The following ERMP1 variants were observed in gnomAD, a reference collection of about 807,000 sequenced individuals.
The protein encoded by ERMP1 is Felix-ina.
Under a neutral mutation model 92.0 loss-of-function variants are expected in ERMP1, and 86 were observed. The ratio of observed to expected loss-of-function variants is 0.93; its 90% CI spans 0.79 to 1.12. The LOEUF is 1.12. Among genes scored for constraint, ERMP1 ranks in the 50% most tolerant of loss-of-function variants. ERMP1 has a pLI of 0.00. For synonymous variants in ERMP1, 530 were observed against 412.8 expected, an observed-to-expected ratio of 1.28 and a Z score of -3.44; for missense variants, 1,342 against 1,116.3, an observed-to-expected ratio of 1.20 and a Z score of -2.88.
chr9:5,802,405 G>C (rs1487072945), intron 10 of ERMP1, among the ~76,000 whole-genome samples: 1 of 152,076 alleles, frequency 6.6e-6, no homozygotes, highest in Non-Finnish European at 1.5e-5. Context: ...TTTTTCTGGA[G>C]ACAGAGTCTC....
At chr9:5,864,607 G>A (rs753592917) in intron 5 of ERMP1, among the ~76,000 whole-genome samples, 2 of 152,192 alleles carry the variant, frequency 1.3e-5, no homozygotes, top group Non-Finnish European at 2.9e-5. Context: ...TTCCTCAGGG[G>A]GTGGTAGAGA....
At chr9:5,853,810 A>G (rs1434383838) in intron 6 of ERMP1, among the ~76,000 whole-genome samples, 1 of 149,666 alleles carries the variant, frequency 6.7e-6, no homozygotes, top group Non-Finnish European at 1.5e-5. Context: ...AATGCCCAGT[A>G]ATTTGCAATT....
intron 10 of ERMP1, among the ~76,000 whole-genome samples, chr9:5,804,149 G>C (rs1374179383): frequency 6.6e-6 from 1 of 152,090 alleles, no homozygotes; most frequent in East Asian, 1.9e-4. Flanking sequence ...TAAAATCATA[G>C]CTCCTTTTCC....
In ERMP1 at chr9:5,833,061, C is replaced by A; in HGVS notation, c.-34G>T. The A allele has an allele frequency of 7.0e-7, 1 of 1,421,508 alleles. No homozygotes were observed. Among genetic ancestry groups the A allele is most frequent in the Non-Finnish European group, 9.1e-7 (1 of 1,097,310 alleles). The allele number at this position is 1,421,508 out of a possible 1,614,324, so 88.1% of individuals were successfully genotyped here. A position where few individuals can be genotyped will look rare whatever the true frequency, so the allele number is the denominator to read the frequency against. ...GCCTCAGCTGCCAGCCCAACCGCCCCAACCCGCGACAGCCCCGGCCGCCGC... is the reference window on the plus strand; with the variant it reads ...GCCTCAGCTGCCAGCCCAACCGCCCAAACCCGCGACAGCCCCGGCCGCCGC... On this transcript the variant is annotated 5_prime_UTR_variant, in exon 1 of 15. Transcript: ENST00000339450.
intron 13 of ERMP1, among the ~76,000 whole-genome samples, chr9:5,796,615 A>C (rs1324811806): frequency 6.6e-6 from 1 of 152,252 alleles, no homozygotes; most frequent in Non-Finnish European, 1.5e-5. Context: ...TAAGTGAAAG[A>C]AGTCAGTCGA....
At chr9:5,787,655 C>G in intron 13 of ERMP1, 62 bp from the exon 14 acceptor site, 1 of 1,502,254 alleles carries the variant, frequency 6.7e-7, no homozygotes, top group East Asian at 2.3e-5. Context: ...AAATAACCCA[C>G]AATCCAAACC....
At chr9:5,858,192 A>G (rs1830405089) in intron 6 of ERMP1, among the ~76,000 whole-genome samples, 1 of 152,218 alleles carries the variant, frequency 6.6e-6, no homozygotes, top group Non-Finnish European at 1.5e-5. Flanking sequence ...AAGAAAGAGT[A>G]TGGTTTGAAG....
chr9:5,795,283 A>G lies in ERMP1; in HGVS notation c.2386+2534T>C, dbSNP rs371169093. 1.7e-4 allele frequency among the ~76,000 whole-genome samples: 26 copies of G among 152,336 alleles called. No individual in the cohort carries two copies. The East Asian group carries it at 4.8e-3, about 28-fold the overall frequency. On this transcript the variant is annotated intron_variant, in intron 13 of 14. Transcript: ENST00000339450. ...AACATCTACCAAAAAACGTATAGCT[A>G]ACAACATACTCAGTGGTAAGAAACC...
chr9:5,788,741 T>C (rs1440807654), intron 13 of ERMP1, among the ~76,000 whole-genome samples: 1 of 152,126 alleles, frequency 6.6e-6, no homozygotes, highest in African/African-American at 2.4e-5. Flanking sequence ...GAAAATGTTA[T>C]AATCACACTC....
At chr9:5,867,002 T>C (rs1427034193) in intron 5 of ERMP1, among the ~76,000 whole-genome samples, 1 of 152,126 alleles carries the variant, frequency 6.6e-6, no homozygotes, top group African/African-American at 2.4e-5. Context: ...ACCCAGGAGT[T>C]TGAGCAACAT....
At chr9:5,837,729 C>T (rs58889474), upstream of ERMP1, among the ~76,000 whole-genome samples, 2,145 of 152,238 alleles carry the variant, frequency 0.014, 48 homozygotes, top group African/African-American at 0.047. Context: ...ATCAACGCCT[C>T]AATAGAAAAA....
chr9:5,829,050 C>T (rs1829835374), intron 2 of ERMP1, among the ~76,000 whole-genome samples: 1 of 151,864 alleles, frequency 6.6e-6, no homozygotes, highest in Admixed American at 6.6e-5. Context: ...TCAAGACCAG[C>T]CTGGCCAACA....
At chr9:5,866,901 G>T (rs897141624) in intron 5 of ERMP1, among the ~76,000 whole-genome samples, 1 of 152,100 alleles carries the variant, frequency 6.6e-6, no homozygotes, top group African/African-American at 2.4e-5. Context: ...AAATGGGACT[G>T]GTAATAAGAA....
rs1829259677 is a variant in ERMP1, at chr9:5,815,342, TAAGA to T, written c.875-2311_875-2308del. 3.9e-5 allele frequency among the ~76,000 whole-genome samples: 6 copies of T among 152,064 alleles called. No homozygotes were observed. In the South Asian group the frequency reaches 1.2e-3, roughly 32 times the overall value. On this transcript the variant is annotated intron_variant, in intron 4 of 14. Coordinates refer to ENST00000339450, the MANE Select transcript of ERMP1 (RefSeq NM_024896.3). ...AAGTTGAAACATCTGTGCCAGAAAG[TAAGA>T]AAGTGATCAAAAAGACATGTCAAAG... is the stretch of plus-strand genomic sequence containing the variant.
At chr9:5,794,350 ATAATC>A (rs927495161) in intron 13 of ERMP1, among the ~76,000 whole-genome samples, 4 of 152,120 alleles carry the variant, frequency 2.6e-5, no homozygotes, top group African/African-American at 9.6e-5. Context: ...TTTAAAATCA[ATAATC>A]TAAGCTTCCA....
intron 9 of ERMP1, 62 bp from the exon 10 acceptor site, chr9:5,805,279 A>G: frequency 2.3e-6 from 3 of 1,310,406 alleles, no homozygotes; most frequent in African/African-American, 3.0e-5. Context: ...ATAAATTTTT[A>G]TAGTACTGGT....
chr9:5,826,348 G>C (rs929788827), intron 2 of ERMP1, among the ~76,000 whole-genome samples: 28 of 152,330 alleles, frequency 1.8e-4, no homozygotes, highest in African/African-American at 6.5e-4. Flanking sequence ...GAGCAAGAAA[G>C]ATTTGGAAGT....
At chr9:5,832,624 G>T in intron 1 of ERMP1, 66 bp downstream of exon 1, 1 of 1,254,778 alleles carries the variant, frequency 8.0e-7, no homozygotes, top group Non-Finnish European at 1.0e-6. Flanking sequence ...CAGGTGCGGT[G>T]CCCCGGAGCC....
chr9:5,846,682 G>T (rs1830238411), intron 6 of ERMP1, among the ~76,000 whole-genome samples: 1 of 152,130 alleles, frequency 6.6e-6, no homozygotes, highest in Admixed American at 6.5e-5. Flanking sequence ...ATTTCATCAT[G>T]CTTCAAAGCC....
Sources: allele counts gnomAD v4.1 joint callset (sites outside exome capture counted in the v4.1 genomes callset), GRCh38; gene constraint gnomAD v4.1.1; transcripts MANE v1.5; gene names NCBI Gene and HGNC (gene_info 2026-07-23, HGNC 2026-07-21).